The following MUC17 variants were observed in gnomAD, a reference collection of about 807,000 sequenced individuals.
MUC17 encodes mucin-17.
Under a neutral mutation model 170.3 loss-of-function variants are expected in MUC17, and 190 were observed. The ratio of observed to expected loss-of-function variants is 1.12; its 90% CI spans 0.99 to 1.26. MUC17 has a LOEUF of 1.26. Among genes scored for constraint, MUC17 ranks in the 50% most tolerant of loss-of-function variants. The pLI, the probability that MUC17 is intolerant of heterozygous loss-of-function variation, is 0.00. For synonymous variants in MUC17, 2,325 were observed against 2,002.5 expected, an observed-to-expected ratio of 1.16 and a Z score of -4.30; for missense variants, 6,415 against 5,530.0, an observed-to-expected ratio of 1.16 and a Z score of -5.08.
chr7:101,032,095 A>G lies in MUC17; in HGVS notation c.679A>G (p.Lys227Glu). The G allele has an allele frequency of 6.2e-7, 1 of 1,609,004 alleles. No individual in the cohort carries two copies. Among genetic ancestry groups the G allele is most frequent in the Non-Finnish European group, 8.5e-7 (1 of 1,178,032 alleles). Residue 227 changes from lysine to glutamate, a missense_variant, in exon 3 of 13, where the codon AAG (lysine) becomes GAG (glutamate). Transcript: ENST00000306151. ...AACAAGTATGCCTGCCAGCACCATGAAGGTGGCCAGTTCAGAGGCTATCAC... is the reference window on the plus strand; with the variant it reads ...AACAAGTATGCCTGCCAGCACCATGGAGGTGGCCAGTTCAGAGGCTATCAC... ...PLTSMPASTM[K>E]VASSEAITLL... is the part of the protein sequence containing the mutation.
rs73712043 is a variant in MUC17 at position 101,037,240 on chromosome 7, G to A, written c.5824G>A (p.Glu1942Lys). The A allele has an allele frequency of 0.018, 29,365 of 1,611,406 alleles. 599 individuals carry two copies. The highest frequency in any genetic ancestry group is 0.086 in the African/African-American group (6,483 of 74,982). The stretch of plus-strand genomic sequence containing the variant: ...CAGCACCACAACAGTGGCCAGTTCT[G>A]AAATCAACACCCTTTCAACAACTCT... ...PVSTTTVASS[E>K]INTLSTTLAD... Residue 1942 changes from glutamate (E) to lysine (K), a missense_variant, in exon 3 of 13, where the codon GAA becomes AAA. By Grantham distance (56) the Glu-to-Lys change is moderately conservative. Coordinates refer to ENST00000306151, the MANE Select transcript of MUC17 (RefSeq NM_001040105.2).
Position 101,031,997 on chromosome 7 carries a change from C to T in MUC17, c.581C>T (p.Ala194Val). The T allele has an allele frequency of 6.2e-7, 1 of 1,614,204 alleles. No individual in the cohort carries two copies. The highest frequency in any genetic ancestry group is 8.5e-7 in the Non-Finnish European group (1 of 1,180,044). ...MSTPLTTSTQ[A>V]SSSPTTPEST... is the part of the protein sequence containing the mutation. ...ACACCTCTGACCACTTCTACTCAGG[C>T]AAGTTCATCTCCTACTACTCCTGAA... The change falls in exon 3 of 13, where the codon GCA becomes GTA. Residue 194 changes from alanine to valine, a missense_variant. Physicochemically the swap from Ala to Val is moderately conservative, Grantham distance 64. Transcript: ENST00000306151.
In MUC17 at chr7:101,040,346, T is replaced by C. The variant is rs1794654430; in HGVS notation, c.8930T>C (p.Met2977Thr). The change falls in exon 3 of 13, where the codon ATG becomes ACG. Residue 2977 changes from methionine (M) to threonine (T), a missense_variant. Physicochemically the swap from Met to Thr is moderately conservative, Grantham distance 81. Coordinates refer to ENST00000306151, the MANE Select transcript of MUC17 (RefSeq NM_001040105.2). ...CCTACAACTGCTGAAGGTACCAGCA[T>C]GCCAATCTCAACTCCTGGCGAAAGA... Reference protein sequence around the residue: ...SSPTTAEGTSMPISTPGERRT... With the variant: ...SSPTTAEGTSTPISTPGERRT... The C allele has an allele frequency of 1.2e-6, 2 of 1,612,838 alleles. No homozygotes were observed.
At position 101,035,615 on chromosome 7, in the gene MUC17, G is replaced by T. The variant is rs781490888; in HGVS notation, c.4199G>T (p.Ser1400Ile). The change falls in exon 3 of 13, where the codon AGT (serine) becomes ATT (isoleucine). Residue 1400 changes from serine (S) to isoleucine (I), a missense_variant. By Grantham distance (142) the Ser-to-Ile change is moderately radical. Coordinates refer to ENST00000306151, the MANE Select transcript of MUC17 (RefSeq NM_001040105.2). Reference sequence around the variant, plus strand: ...AGTGAAGGAACCACTCCGTTAACAAGTATACCTGTCAGCACCACGCCGGTA... The same window carrying T: ...AGTGAAGGAACCACTCCGTTAACAATTATACCTGTCAGCACCACGCCGGTA... ...NPSEGTTPLT[S>I]IPVSTTPVVS... The T allele has an allele frequency of 2.5e-5, 40 of 1,613,546 alleles. 1 individual carries two copies. Among genetic ancestry groups the T allele is most frequent in the Non-Finnish European group, 3.4e-5 (40 of 1,179,784 alleles).
In MUC17 at chr7:101,036,009, C is replaced by A. The variant is rs750440262; in HGVS notation, c.4593C>A (p.Ile1531=). 6 of 1,611,102 alleles carry A rather than the reference C, an allele frequency of 3.7e-6. No individual in the cohort carries two copies. The Admixed American group carries it at 6.7e-5, about 18-fold the overall frequency. Residue 1531 remains isoleucine (I), a synonymous_variant, in exon 3 of 13, where the codon ATC becomes ATA. Coordinates refer to ENST00000306151, the MANE Select transcript of MUC17 (RefSeq NM_001040105.2). ...VSTTTVASSE[I]NSLSTTPAVT... ...CCACAACAGTGGCCAGTTCTGAAAT[C>A]AACAGCCTTTCAACAACTCCTGCTG...
Position 101,030,661 on chromosome 7 carries a change from T to G in MUC17, c.83-459T>G, listed in dbSNP as rs535076223. On this transcript the variant is annotated intron_variant, in intron 1 of 12. Coordinates refer to ENST00000306151, the MANE Select transcript of MUC17 (RefSeq NM_001040105.2). The stretch of plus-strand genomic sequence containing the variant: ...ATAGCTCATTATGAACATGATCTCC[T>G]GGGCTCAAGTGATCCTCCTGCCTCA... Among the ~76,000 whole-genome samples, 3 of 152,258 alleles carry G rather than the reference T, an allele frequency of 2.0e-5. No individual in the cohort carries two copies. In the East Asian group the frequency reaches 5.8e-4, roughly 29 times the overall value.
At position 101,043,807 on chromosome 7, in the gene MUC17, A is replaced by C; in HGVS notation, c.12391A>C (p.Arg4131=). The change falls in exon 3 of 13, where the codon AGA becomes CGA. Residue 4131 remains arginine, a synonymous_variant. Transcript: ENST00000306151. ...SNPTSTPTVP[R]TTTCFGDGCQ... ...CCCCACCTCAACTCCTACTGTGCCA[A>C]GAACCACAACATGTAAGTGATTTCT... 2 of 1,599,722 alleles carry C rather than the reference A, an allele frequency of 1.3e-6. No homozygotes were observed. The highest frequency in any genetic ancestry group is 1.7e-6 in the Non-Finnish European group (2 of 1,171,208).
Position 101,048,126 on chromosome 7 carries a change from C to A in MUC17, c.12535+11C>A, listed in dbSNP as rs776695622. On this transcript the variant is annotated intron_variant, in intron 4 of 12. Transcript: ENST00000306151. ...GCAGCATTGACATAGGTGAGTGCAA[C>A]CCCAGGCCTTCCCCCACCCCATGCC... is the stretch of plus-strand genomic sequence containing the variant. 1 of 1,558,998 alleles carries A rather than the reference C, an allele frequency of 6.4e-7. No homozygotes were observed. Among genetic ancestry groups the A allele is most frequent in the Non-Finnish European group, 8.7e-7 (1 of 1,152,766 alleles).
At position 101,020,214 on chromosome 7, in the gene MUC17, C is replaced by T. The variant is rs774993769; in HGVS notation, c.79C>T (p.Gln27Ter). 8 of 1,608,910 alleles carry T rather than the reference C, an allele frequency of 5.0e-6. No individual in the cohort carries two copies. In the Admixed American group the frequency reaches 6.7e-5, roughly 14 times the overall value. Residue 27 changes from glutamine (Q) to a stop codon, truncating the protein, a stop_gained, in exon 1 of 13, where the codon CAG (glutamine) becomes TAG (stop). Coordinates refer to ENST00000306151, the MANE Select transcript of MUC17 (RefSeq NM_001040105.2). LOFTEE classifies it high-confidence loss of function. ...CTTGCCCCCACAAGCTGCTGCAGAA[C>T]AGGGTGAGTGACCCCCACGCCCCGC... is the stretch of plus-strand genomic sequence containing the variant. ...SLLPPQAAAE[Q>*]DLSVNRAVWD...
rs145653913 is a variant in MUC17 at position 101,033,880 on chromosome 7, G to C, written c.2464G>C (p.Glu822Gln). ...CAGCATCACACCGGTGACCAGTCCT[G>C]AGGCTAGCACCCTTTCAACAACTCC... is the stretch of plus-strand genomic sequence containing the variant. ...PVSITPVTSPEASTLSTTPVD... is the reference protein window; with the variant it reads ...PVSITPVTSPQASTLSTTPVD... The change falls in exon 3 of 13, where the codon GAG (glutamate) becomes CAG (glutamine). Residue 822 changes from glutamate to glutamine, a missense_variant. Transcript: ENST00000306151. The C allele has an allele frequency of 6.2e-7, 1 of 1,613,540 alleles. No homozygotes were observed. Among genetic ancestry groups the C allele is most frequent in the African/African-American group, 1.3e-5 (1 of 74,800 alleles).
rs992503348 is a variant in MUC17 at position 101,051,868 on chromosome 7, C to G, written c.13009C>G (p.Pro4337Ala). The change falls in exon 9 of 13, where the codon CCA becomes GCA. Residue 4337 changes from proline to alanine, a missense_variant. Transcript: ENST00000306151. ...YFVVEYRDQK[P>A]YCISPCEPGF... is the part of the protein sequence containing the mutation. ...CGTAGTGGAGTACCGGGACCAGAAG[C>G]CATACTGCATCAGCCCCTGTGAGCC... 1.9e-6 allele frequency: 3 copies of G among 1,614,092 alleles called. No homozygotes were observed. Among genetic ancestry groups the G allele is most frequent in the Non-Finnish European group, 2.5e-6 (3 of 1,180,038 alleles).
chr7:101,027,854 C>T (rs1344767493), intron 1 of MUC17, among the ~76,000 whole-genome samples: 1 of 152,024 alleles, frequency 6.6e-6, no homozygotes, highest in African/African-American at 2.4e-5. Context: ...TCACTGCAAC[C>T]TCCGCCTTTA....
chr7:101,041,465 C>G lies in MUC17; in HGVS notation c.10049C>G (p.Thr3350Arg), dbSNP rs150088438. Residue 3350 changes from threonine to arginine, a missense_variant, in exon 3 of 13, where the codon ACG becomes AGG. Thr to Arg is a moderately conservative substitution (Grantham distance 71, BLOSUM62 -1). Coordinates refer to ENST00000306151, the MANE Select transcript of MUC17 (RefSeq NM_001040105.2). ...CTAACAAATATGTCTTTCAGCACCA[C>G]GCCAGTGGTCAGTTCTGAGGCTAGC... ...TPLTNMSFST[T>R]PVVSSEASTL... 50 of 1,613,964 alleles carry G rather than the reference C, an allele frequency of 3.1e-5. No homozygotes were observed. Among genetic ancestry groups the G allele is most frequent in the Middle Eastern group, 1.6e-4 (1 of 6,062 alleles).
chr7:101,030,920 A>G (rs773008151), intron 1 of MUC17, among the ~76,000 whole-genome samples, 200 bp from the exon 2 acceptor site: 2 of 152,188 alleles, frequency 1.3e-5, no homozygotes, highest in Non-Finnish European at 2.9e-5. Flanking sequence ...GACCTCCTCC[A>G]GGCTGGGGAG....
Position 101,058,270 on chromosome 7 carries a change from C to T in MUC17, c.*226C>T. 2.6e-6 allele frequency: 1 copy of T among 381,790 alleles called. No individual in the cohort carries two copies. The highest frequency in any genetic ancestry group is 4.2e-5 in the Admixed American group (1 of 23,600). The allele number at this position is 381,790 out of a possible 1,614,324, so 23.7% of individuals were successfully genotyped here. On this transcript the variant is annotated 3_prime_UTR_variant, in exon 13 of 13. Transcript: ENST00000306151. ...GGGCTTGTCATGATATCAGGCTAGG[C>T]TTTCCTGCTCATTTTTCAAAGACGC...
intron 7 of MUC17, among the ~76,000 whole-genome samples, chr7:101,051,207 A>T (rs1294209504): frequency 6.6e-6 from 1 of 151,856 alleles, no homozygotes; most frequent in Non-Finnish European, 1.5e-5. Flanking sequence ...CTCTACTGAA[A>T]ATACAAAATT....
At chr7:101,029,623 G>C (rs578172033) in intron 1 of MUC17, among the ~76,000 whole-genome samples, 1 of 151,812 alleles carries the variant, frequency 6.6e-6, no homozygotes, top group Non-Finnish European at 1.5e-5. Flanking sequence ...TTTTGAGACA[G>C]AGTCTCGCTC....
Position 101,058,572 on chromosome 7 carries a change from G to A in MUC17, c.*528G>A, listed in dbSNP as rs932858539. Reference sequence around the variant, plus strand: ...GAGATGTTCCTCCCCTCATCTGCCCGGGTTCAGTACCATGGACAGCGCCCT... The same window carrying A: ...GAGATGTTCCTCCCCTCATCTGCCCAGGTTCAGTACCATGGACAGCGCCCT... On this transcript the variant is annotated 3_prime_UTR_variant, in exon 13 of 13. Coordinates refer to ENST00000306151, the MANE Select transcript of MUC17 (RefSeq NM_001040105.2). The A allele has an allele frequency of 1.3e-5, 2 of 152,482 alleles. No individual in the cohort carries two copies. The highest frequency in any genetic ancestry group is 2.4e-5 in the African/African-American group (1 of 41,420). The allele number at this position is 152,482 out of a possible 1,614,324, so 9.4% of individuals were successfully genotyped here.
Position 101,040,227 on chromosome 7 carries a change from C to A in MUC17, c.8811C>A (p.Thr2937=), listed in dbSNP as rs530486985. The change falls in exon 3 of 13, where the codon ACC becomes ACA. Residue 2937 remains threonine, a synonymous_variant. Coordinates refer to ENST00000306151, the MANE Select transcript of MUC17 (RefSeq NM_001040105.2). The part of the protein sequence containing the change: ...STPLTSILVS[T]VPVAGSEAST... The stretch of plus-strand genomic sequence containing the variant: ...CATTAACAAGTATACTTGTCAGCAC[C>A]GTGCCAGTGGCCGGTTCTGAGGCTA... The A allele has an allele frequency of 3.7e-5, 59 of 1,612,038 alleles. No homozygotes were observed. The highest frequency in any genetic ancestry group is 4.9e-5 in the Non-Finnish European group (58 of 1,179,288).
Sources: allele counts gnomAD v4.1 joint callset (sites outside exome capture counted in the v4.1 genomes callset), GRCh38; gene constraint gnomAD v4.1.1; transcripts MANE v1.5; gene names NCBI Gene and HGNC (gene_info 2026-07-23, HGNC 2026-07-21).